The following GRAMD1B variants were observed in gnomAD, a reference collection of about 807,000 sequenced individuals.
GRAMD1B encodes the protein GRAM domain containing 1B, also known as protein Aster-B.
GRAMD1B carries 37 observed loss-of-function variants against 99.7 expected under a neutral mutation model. The ratio of observed to expected loss-of-function variants is 0.37; its 90% CI spans 0.29 to 0.49. The LOEUF (loss-of-function observed/expected upper bound fraction) is 0.49, where lower values mean the gene tolerates loss of function less well. GRAMD1B is among the 20% of genes least tolerant of loss of function. The pLI, the probability that GRAMD1B is intolerant of heterozygous loss-of-function variation, is 0.98. For missense variants in GRAMD1B, 888 were observed against 1,009.2 expected (o/e 0.88, Z 1.63); for synonymous variants, 427 against 387.6 (o/e 1.10, Z -1.19).
intron 2 of GRAMD1B, among the ~76,000 whole-genome samples, chr11:123,498,207 A>C (rs1308578858): frequency 6.6e-6 from 1 of 151,844 alleles, no homozygotes; most frequent in Non-Finnish European, 1.5e-5. Context: ...GGACCCCAAG[A>C]GCCTGCTTGG....
intron 1 of GRAMD1B, among the ~76,000 whole-genome samples, chr11:123,454,205 AGAT>A (rs1950011891): frequency 6.6e-6 from 1 of 152,234 alleles, no homozygotes; most frequent in Non-Finnish European, 1.5e-5. Flanking sequence ...ACTGGTTTGC[AGAT>A]GAAATAAGAT....
chr11:123,470,921 T>C (rs1270568579), intron 1 of GRAMD1B, among the ~76,000 whole-genome samples: 2 of 152,212 alleles, frequency 1.3e-5, no homozygotes, highest in Non-Finnish European at 2.9e-5. Context: ...CTATCTGTAC[T>C]GTCCACAATG....
intron 4 of GRAMD1B, among the ~76,000 whole-genome samples, chr11:123,592,063 A>G (rs1950720866): frequency 6.6e-6 from 1 of 152,196 alleles, no homozygotes; most frequent in African/African-American, 2.4e-5. Flanking sequence ...AATTAGAAAT[A>G]GGAAGACTTG....
chr11:123,527,080 C>T (rs573868224), intron 2 of GRAMD1B, among the ~76,000 whole-genome samples: 81 of 152,264 alleles, frequency 5.3e-4, no homozygotes, highest in Admixed American at 2.4e-3. Flanking sequence ...AGGGAGCTTT[C>T]TCCCTGAAGA....
At chr11:123,415,109 T>G (rs1445605761) in intron 1 of GRAMD1B, among the ~76,000 whole-genome samples, 1 of 133,906 alleles carries the variant, frequency 7.5e-6, no homozygotes, top group African/African-American at 2.8e-5. Flanking sequence ...TTTTTTTTTT[T>G]TTTTTTTTTT....
intron 1 of GRAMD1B, among the ~76,000 whole-genome samples, chr11:123,480,231 T>A (rs1352814401): frequency 6.6e-6 from 1 of 152,124 alleles, no homozygotes; most frequent in African/African-American, 2.4e-5. Context: ...TATTCCTTCT[T>A]CTATTTCTCA....
chr11:123,468,645 T>G (rs1053386272), intron 1 of GRAMD1B, among the ~76,000 whole-genome samples: 3 of 151,490 alleles, frequency 2.0e-5, no homozygotes, highest in Non-Finnish European at 4.4e-5. Context: ...AATACAAAAA[T>G]CAGCCCGGTG....
intron 2 of GRAMD1B, among the ~76,000 whole-genome samples, chr11:123,533,324 A>G (rs974037381): frequency 6.6e-6 from 1 of 152,176 alleles, no homozygotes. Flanking sequence ...AAACTTAGCT[A>G]GCAGTCCTGT....
intron 2 of GRAMD1B, among the ~76,000 whole-genome samples, chr11:123,555,030 C>CT (rs1946030742): frequency 6.6e-6 from 1 of 152,194 alleles, no homozygotes; most frequent in Non-Finnish European, 1.5e-5. Flanking sequence ...AGGCTGGTGA[C>CT]TTCTGCAGAA....
intron 2 of GRAMD1B, among the ~76,000 whole-genome samples, chr11:123,534,440 T>C (rs931055693): frequency 2.6e-5 from 4 of 152,158 alleles, no homozygotes; most frequent in Non-Finnish European, 5.9e-5. Flanking sequence ...GGGTCACTTG[T>C]ACAATTGCCA....
rs934443548 is a variant in GRAMD1B, at chr11:123,622,839, C to T, written c.*244C>T. On this transcript the variant is annotated 3_prime_UTR_variant, in exon 20 of 20. Coordinates refer to ENST00000635736, the MANE Select transcript of GRAMD1B (RefSeq NM_001387025.1). ...GAGGGCAGGAACCGCCTCTCAGCACCGACCTCCCCTGATCTCCCTCCTCCC... is the reference window on the plus strand; with the variant it reads ...GAGGGCAGGAACCGCCTCTCAGCACTGACCTCCCCTGATCTCCCTCCTCCC... 6.2e-5 allele frequency: 10 copies of T among 161,972 alleles called. No homozygotes were observed. Among genetic ancestry groups the T allele is most frequent in the African/African-American group, 2.2e-4 (9 of 41,510 alleles). The allele number at this position is 161,972 out of a possible 1,614,324, so 10.0% of individuals were successfully genotyped here. A position where few individuals can be genotyped will look rare whatever the true frequency, so the allele number is the denominator to read the frequency against.
At chr11:123,486,564 A>AAAAAG (rs1565291621) in intron 2 of GRAMD1B, among the ~76,000 whole-genome samples, 1 of 147,628 alleles carries the variant, frequency 6.8e-6, no homozygotes, top group Non-Finnish European at 1.5e-5. Flanking sequence ...GAAAAAAAAA[A>AAAAAG]AAAAACAAAA....
Position 123,431,186 on chromosome 11 carries a change from G to A in GRAMD1B, c.374+20G>A, listed in dbSNP as rs1312968742. The A allele has an allele frequency of 1.5e-6, 1 of 687,610 alleles. No individual in the cohort carries two copies. The highest frequency in any genetic ancestry group is 2.7e-6 in the Non-Finnish European group (1 of 376,120). 42.6% of individuals were successfully genotyped at this position (687,610 alleles called of 1,614,324 possible). On this transcript the variant is annotated intron_variant, in intron 1 of 19. Transcript: ENST00000635736. ...AAGCAGGTACGTCCCCGTTCCGCCC[G>A]TCTCCTTCCCTTCCCTCCCGTCCTC...
intron 2 of GRAMD1B, among the ~76,000 whole-genome samples, chr11:123,518,836 G>A (rs1320217788): frequency 2.0e-5 from 3 of 152,162 alleles, no homozygotes; most frequent in Non-Finnish European, 2.9e-5. Context: ...GAAGCTGAGT[G>A]GAATTTGGCT....
At chr11:123,538,673 G>T (rs1162225445) in intron 2 of GRAMD1B, among the ~76,000 whole-genome samples, 1 of 151,844 alleles carries the variant, frequency 6.6e-6, no homozygotes, top group Non-Finnish European at 1.5e-5. Flanking sequence ...AGGTTAGAGT[G>T]CAGTGGCTCA....
chr11:123,512,520 T>C (rs558883765), intron 2 of GRAMD1B, among the ~76,000 whole-genome samples: 2 of 152,256 alleles, frequency 1.3e-5, no homozygotes, highest in South Asian at 4.1e-4. Context: ...TAGCATCAGA[T>C]GTTAGAGACG....
intron 2 of GRAMD1B, among the ~76,000 whole-genome samples, chr11:123,493,620 C>CTT (rs1938873134): frequency 6.6e-6 from 1 of 152,168 alleles, no homozygotes; most frequent in African/African-American, 2.4e-5. Context: ...CCGCAGGCAG[C>CTT]CCACTCGAAC....
At chr11:123,452,194 T>C (rs979395433) in intron 1 of GRAMD1B, among the ~76,000 whole-genome samples, 2 of 152,140 alleles carry the variant, frequency 1.3e-5, no homozygotes, top group Non-Finnish European at 2.9e-5. Flanking sequence ...TGAACAAATG[T>C]AAAAATTTAA....
At chr11:123,548,291 A>AATATATATATATATATAT (rs139996126) in intron 2 of GRAMD1B, among the ~76,000 whole-genome samples, 42 of 75,138 alleles carry the variant, frequency 5.6e-4, no homozygotes, top group Non-Finnish European at 5.4e-4. Flanking sequence ...GCTGTGCCAA[A>AATATATATATATATATAT]ATATATATAT....
Sources: gnomAD v4.1 joint callset for allele counts (sites outside exome capture counted in the v4.1 genomes callset) on GRCh38, gnomAD v4.1.1 for gene constraint, MANE v1.5 for transcripts, NCBI Gene and HGNC (gene_info 2026-07-23, HGNC 2026-07-21) for gene names.